Variants in TNNI3K observed in about 807,000 individuals in gnomAD.
TNNI3K encodes the protein TNNI3 interacting kinase, also known as serine/threonine-protein kinase TNNI3K.
Under a neutral mutation model 114.5 loss-of-function variants are expected in TNNI3K, and 140 were observed. The ratio of observed to expected loss-of-function variants is 1.22; its 90% confidence interval spans 1.07 to 1.41. The LOEUF (loss-of-function observed/expected upper bound fraction) is 1.41, where lower values mean the gene tolerates loss of function less well. Among genes scored for constraint, TNNI3K ranks in the 40% most tolerant of loss-of-function variants. TNNI3K has a pLI of 0.00. For missense variants in TNNI3K, 1,125 were observed against 1,007.6 expected (o/e 1.12, Z -1.58); for synonymous variants, 347 against 347.5 (o/e 1.00, Z 0.02).
At chr1:74,495,168 G>C (rs1472464914) in intron 23 of TNNI3K, among the ~76,000 whole-genome samples, 1 of 152,164 alleles carries the variant, frequency 6.6e-6, no homozygotes, top group Non-Finnish European at 1.5e-5. Context: ...GTATCTGTCT[G>C]CTAGGTGCAA....
intron 7 of TNNI3K, 120 bp downstream of exon 7, chr1:74,336,269 T>G: frequency 1.6e-6 from 2 of 1,281,222 alleles, no homozygotes; most frequent in Non-Finnish European, 2.0e-6. Context: ...TGTACTTATT[T>G]GCTCCACAAG....
chr1:74,529,044 C>G (rs756632914), intron 23 of TNNI3K, among the ~76,000 whole-genome samples: 1 of 152,010 alleles, frequency 6.6e-6, no homozygotes, highest in African/African-American at 2.4e-5. Flanking sequence ...TAAATGATGA[C>G]AGTGACATCA....
intron 5 of TNNI3K, among the ~76,000 whole-genome samples, chr1:74,278,399 C>T (rs1400654832): frequency 2.0e-5 from 3 of 152,172 alleles, no homozygotes; most frequent in Admixed American, 1.3e-4. Context: ...AGTAACCTCT[C>T]AGCTCACCTG....
intron 17 of TNNI3K, among the ~76,000 whole-genome samples, chr1:74,435,828 A>T (rs1666097760): frequency 1.3e-5 from 2 of 152,056 alleles, no homozygotes; most frequent in Admixed American, 1.3e-4. Context: ...CTTTTTGACA[A>T]GTTTAGAGGG....
intron 23 of TNNI3K, among the ~76,000 whole-genome samples, chr1:74,517,382 G>A (rs191010957): frequency 1.4e-4 from 22 of 152,150 alleles, no homozygotes; most frequent in Admixed American, 7.9e-4. Context: ...AAATTTTCTG[G>A]CATTAGCTCC....
At chr1:74,371,231 A>G (rs1358680336) in intron 17 of TNNI3K, 1 of 151,862 alleles carries the variant, frequency 6.6e-6, no homozygotes, top group African/African-American at 2.4e-5. Context: ...GAAGCTAGTA[A>G]ATATTGATTA....
At chr1:74,522,159 T>A (rs920170408) in intron 23 of TNNI3K, among the ~76,000 whole-genome samples, 2 of 152,144 alleles carry the variant, frequency 1.3e-5, no homozygotes, top group Admixed American at 1.3e-4. Context: ...AAACTTAATA[T>A]AGCAGGTGAA....
chr1:74,456,024 A>G (rs1667209617), intron 20 of TNNI3K, among the ~76,000 whole-genome samples: 1 of 152,224 alleles, frequency 6.6e-6, no homozygotes, highest in Non-Finnish European at 1.5e-5. Context: ...AAAAAGGAAT[A>G]TAGAACAACT....
intron 23 of TNNI3K, among the ~76,000 whole-genome samples, chr1:74,498,457 ACAGAAATTCTCTTCTTTTTTGTTTTGTT>A (rs1669446787): frequency 6.6e-6 from 1 of 152,178 alleles, no homozygotes; most frequent in Admixed American, 6.5e-5. Context: ...TATGTTAAAA[ACAGAAATTCTCTTCTTTTTTGTTTTGTT>A]CAGGTGCCTA....
At chr1:74,463,657 C>A in intron 21 of TNNI3K, 107 bp downstream of exon 21, 3 of 1,263,946 alleles carry the variant, frequency 2.4e-6, no homozygotes, top group Non-Finnish European at 3.3e-6. Flanking sequence ...ACTGTCAAGG[C>A]GGGAAGACTG....
intron 17 of TNNI3K, among the ~76,000 whole-genome samples, chr1:74,380,281 G>A (rs549990219): frequency 1.3e-5 from 2 of 152,094 alleles, no homozygotes; most frequent in Admixed American, 6.6e-5. Context: ...GAAATCCTGC[G>A]ATACCAACAT....
chr1:74,486,277 C>A (rs1390674224), intron 21 of TNNI3K, among the ~76,000 whole-genome samples: 1 of 148,914 alleles, frequency 6.7e-6, no homozygotes, highest in Non-Finnish European at 1.5e-5. Context: ...ACTCACTCCC[C>A]TCCAGGATCT....
intron 4 of TNNI3K, among the ~76,000 whole-genome samples, chr1:74,252,071 G>T (rs1413552500): frequency 6.6e-6 from 1 of 152,164 alleles, no homozygotes; most frequent in African/African-American, 2.4e-5. Flanking sequence ...GATAGTCATG[G>T]CACTGTATGA....
At position 74,251,291 on chromosome 1, in the gene TNNI3K, G is replaced by A. The variant is rs367946140; in HGVS notation, c.333+522G>A. 1.4e-4 allele frequency among the ~76,000 whole-genome samples: 21 copies of A among 152,162 alleles called. 1 individual carries two copies. The East Asian group carries it at 2.7e-3, about 20-fold the overall frequency. ...ACCTGATAGAATAATAAATATAATA[G>A]TGGATTGGACAAACTGGGATACTTA... On this transcript the variant is annotated intron_variant, in intron 4 of 24. Coordinates refer to ENST00000326637, the MANE Select transcript of TNNI3K (RefSeq NM_015978.3).
At chr1:74,470,814 C>G (rs1557587043) in intron 21 of TNNI3K, 2 of 400,474 alleles carry the variant, frequency 5.0e-6, no homozygotes, top group Non-Finnish European at 8.8e-6. Flanking sequence ...AGCTGTCAGT[C>G]TTGTGAGCAT....
At position 74,544,100 on chromosome 1, in the gene TNNI3K, G is replaced by A; in HGVS notation, c.*118G>A. On this transcript the variant is annotated 3_prime_UTR_variant, in exon 25 of 25. Coordinates refer to ENST00000326637, the MANE Select transcript of TNNI3K (RefSeq NM_015978.3). ...ACTCTCAAAGGTCTCCTTAAATTGG[G>A]CTTGTTTTTACTTGTCCTATTTAAT... is the stretch of plus-strand genomic sequence containing the variant. 2 of 1,154,424 alleles carry A rather than the reference G, an allele frequency of 1.7e-6. No individual in the cohort carries two copies. Among genetic ancestry groups the A allele is most frequent in the South Asian group, 3.4e-5 (2 of 58,232 alleles). 71.5% of individuals were successfully genotyped at this position (1,154,424 alleles called of 1,614,324 possible).
intron 20 of TNNI3K, among the ~76,000 whole-genome samples, chr1:74,447,180 A>C (rs1277440925): frequency 1.3e-5 from 2 of 151,080 alleles, no homozygotes; most frequent in Non-Finnish European, 2.9e-5. Context: ...TGAGCATGGA[A>C]TGTTCTTCCA....
intron 4 of TNNI3K, 62 bp downstream of exon 4, chr1:74,250,831 CTT>C (rs11437074): frequency 8.6e-3 from 8,148 of 949,566 alleles, no homozygotes; most frequent in South Asian, 0.017. Context: ...TATCTTTAGG[CTT>C]TTTTTTTTTT....
intron 5 of TNNI3K, among the ~76,000 whole-genome samples, chr1:74,292,964 A>G (rs772793879): frequency 1.3e-5 from 2 of 151,614 alleles, no homozygotes; most frequent in Admixed American, 1.3e-4. Flanking sequence ...GCAATGGTTT[A>G]CTTTACCCAT....
Sources: allele counts gnomAD v4.1 joint callset (sites outside exome capture counted in the v4.1 genomes callset), GRCh38; gene constraint gnomAD v4.1.1; transcripts MANE v1.5; gene names NCBI Gene and HGNC (gene_info 2026-07-23, HGNC 2026-07-21).